The following DPH6 variants were observed in gnomAD, a reference collection of about 807,000 sequenced individuals.
The protein encoded by DPH6 is diphthine--ammonia ligase.
A neutral mutation model predicts 38.2 loss-of-function variants in DPH6; 33 were observed. The observed-to-expected ratio is 0.86, with a 90% CI of 0.65 to 1.15. The LOEUF (loss-of-function observed/expected upper bound fraction) is 1.15. Among genes scored for constraint, DPH6 ranks in the 50% most tolerant of loss-of-function variants. DPH6 has a pLI of 0.00. For missense variants in DPH6, 325 were observed against 320.0 expected, an observed-to-expected ratio of 1.02 and a Z score of -0.12; for synonymous variants, 108 against 103.0, an observed-to-expected ratio of 1.05 and a Z score of -0.30.
the DPH6 span, among the ~76,000 whole-genome samples, chr15:35,193,722 C>A: frequency 6.6e-6 from 1 of 152,094 alleles, no homozygotes; most frequent in African/African-American, 2.4e-5. Context: ...TGAAATGTAT[C>A]AGGAGAATTT....
At chr15:35,246,818 T>C (rs530018538) in intron 3 of DPH6, among the ~76,000 whole-genome samples, 175 of 152,308 alleles carry the variant, frequency 1.1e-3, no homozygotes, top group African/African-American at 4.1e-3. Context: ...TAAGCCTGGA[T>C]TTTGGCCTGG....
At chr15:35,525,695 C>T (rs1402331937) in intron 3 of DPH6, among the ~76,000 whole-genome samples, 5 of 152,068 alleles carry the variant, frequency 3.3e-5, no homozygotes, top group Admixed American at 2.6e-4. Flanking sequence ...CAAAAATTAG[C>T]CGGCCATGGT....
chr15:35,339,459 G>C (rs2052403484), intron 3 of DPH6, among the ~76,000 whole-genome samples: 1 of 151,852 alleles, frequency 6.6e-6, no homozygotes, highest in South Asian at 2.1e-4. Flanking sequence ...CTAGTAGCTG[G>C]GATTATAGGC....
At chr15:35,441,073 T>G in intron 5 of DPH6, among the ~76,000 whole-genome samples, 1 of 152,216 alleles carries the variant, frequency 6.6e-6, no homozygotes, top group East Asian at 1.9e-4. Context: ...TCATCATCAC[T>G]GGTCATTAGA....
intron 7 of DPH6, among the ~76,000 whole-genome samples, chr15:35,378,581 G>A (rs2052814524): frequency 6.6e-6 from 1 of 152,122 alleles, no homozygotes; most frequent in Non-Finnish European, 1.5e-5. Flanking sequence ...CAACCTAAAT[G>A]TCCATCAACA....
chr15:35,450,555 A>G (rs528568073), intron 5 of DPH6, 130 bp downstream of exon 5: 1 of 773,668 alleles, frequency 1.3e-6, no homozygotes, highest in South Asian at 1.7e-5. Context: ...GTGCTTACTC[A>G]ATTTCTTCAG....
At chr15:35,148,489 C>G in the DPH6 span, among the ~76,000 whole-genome samples, 4,598 of 152,202 alleles carry the variant, frequency 0.03, 214 homozygotes, top group African/African-American at 0.1. Context: ...TAATTATTTT[C>G]TCTCTAGTAT....
the DPH6 span, among the ~76,000 whole-genome samples, chr15:35,160,848 G>A: frequency 6.6e-6 from 1 of 151,908 alleles, no homozygotes; most frequent in South Asian, 2.1e-4. Context: ...ATTCTACATG[G>A]ATGAAGCTGG....
At chr15:35,203,683 TTTA>T in the DPH6 span, among the ~76,000 whole-genome samples, 1 of 151,696 alleles carries the variant, frequency 6.6e-6, no homozygotes, top group African/African-American at 2.4e-5. Flanking sequence ...GATGGAGTAT[TTTA>T]GCTATTAAAT....
rs74762091 is a variant in DPH6, at chr15:35,503,288, C to T, written c.312+34986G>A. ...TACCAAACATAATTACTTTACATTTCAATTTAACTGAAGTTAAATTTTAAA... is the reference window on the plus strand; with the variant it reads ...TACCAAACATAATTACTTTACATTTTAATTTAACTGAAGTTAAATTTTAAA... On this transcript the variant is annotated intron_variant, in intron 3 of 8. Transcript: ENST00000256538. Among the ~76,000 whole-genome samples the T allele has an allele frequency of 3.1e-3, 474 of 152,116 alleles. 3 individuals are homozygous for T. In the East Asian group the frequency reaches 0.035, roughly 11 times the overall value.
downstream of DPH6, among the ~76,000 whole-genome samples, chr15:35,368,819 G>T (rs1349774236): frequency 6.6e-6 from 1 of 151,712 alleles, no homozygotes; most frequent in East Asian, 1.9e-4. Flanking sequence ...ACATGTATTG[G>T]TAGCCATGTG....
chr15:35,338,477 A>G (rs970262832), intron 3 of DPH6, among the ~76,000 whole-genome samples: 3 of 152,228 alleles, frequency 2.0e-5, no homozygotes, highest in Non-Finnish European at 4.4e-5. Flanking sequence ...CGAAACCACA[A>G]TGAGATACCA....
chr15:35,346,801 G>A (rs1248005060), intron 3 of DPH6, among the ~76,000 whole-genome samples: 1 of 151,800 alleles, frequency 6.6e-6, no homozygotes. Context: ...TTTGATATGT[G>A]AATTTTTTCA....
intron 3 of DPH6, among the ~76,000 whole-genome samples, chr15:35,285,890 A>T (rs1299094344): frequency 0.015 from 47 of 3,038 alleles, no homozygotes; most frequent in South Asian, 0.048. Flanking sequence ...TTTTTTTTTT[A>T]CCTGAGACCA....
At chr15:35,375,978 T>C (rs912382913) in intron 7 of DPH6, among the ~76,000 whole-genome samples, 1 of 152,158 alleles carries the variant, frequency 6.6e-6, no homozygotes, top group Non-Finnish European at 1.5e-5. Context: ...TATACAGATA[T>C]TCCCCACAGA....
At chr15:35,200,861 C>G in the DPH6 span, among the ~76,000 whole-genome samples, 2 of 150,678 alleles carry the variant, frequency 1.3e-5, no homozygotes, top group East Asian at 3.9e-4. Context: ...GCTTTAAGGA[C>G]CAAAGAGAAT....
intron 7 of DPH6, among the ~76,000 whole-genome samples, chr15:35,380,649 T>A (rs1474107416): frequency 6.6e-6 from 1 of 152,232 alleles, no homozygotes; most frequent in Non-Finnish European, 1.5e-5. Context: ...TTGAATAATA[T>A]AACGTATTAT....
intron 7 of DPH6, among the ~76,000 whole-genome samples, chr15:35,375,118 A>G (rs1045885528): frequency 1.3e-5 from 2 of 152,054 alleles, no homozygotes; most frequent in Admixed American, 6.6e-5. Flanking sequence ...CGCCAAAACT[A>G]TAATTAACCT....
chr15:35,327,392 C>A (rs1302782614), downstream of DPH6, among the ~76,000 whole-genome samples: 2 of 145,534 alleles, frequency 1.4e-5, no homozygotes, highest in African/African-American at 2.6e-5. Flanking sequence ...GTCCCCCAGG[C>A]TGGAGTGCAG....
Sources: gnomAD v4.1 joint callset for allele counts (sites outside exome capture counted in the v4.1 genomes callset) on GRCh38, gnomAD v4.1.1 for gene constraint, MANE v1.5 for transcripts, NCBI Gene and HGNC (gene_info 2026-07-23, HGNC 2026-07-21) for gene names.